Variants in AKAP3 observed in about 807,000 individuals in gnomAD.
AKAP3 encodes the protein A-kinase anchor protein 3.
Under a neutral mutation model 57.2 loss-of-function variants are expected in AKAP3, and 27 were observed. The ratio of observed to expected loss-of-function variants is 0.47; its 90% CI spans 0.35 to 0.65. The LOEUF (loss-of-function observed/expected upper bound fraction) is 0.65. Ranked by LOEUF, AKAP3 falls within the 30% of genes least tolerant of loss-of-function variation. The pLI, the probability that AKAP3 is intolerant of heterozygous loss-of-function variation, is 0.01. For missense variants in AKAP3, 959 were observed against 1,040.0 expected (o/e 0.92, Z 1.07); for synonymous variants, 334 against 392.3 (o/e 0.85, Z 1.76).
chr12:4,637,662 G>C (rs1476379775), intron 4 of AKAP3, among the ~76,000 whole-genome samples: 1 of 152,072 alleles, frequency 6.6e-6, no homozygotes, highest in East Asian at 1.9e-4. Context: ...AATGATGAAG[G>C]CAGGATGACA....
At chr12:4,620,432 G>A (rs1483492562) in intron 5 of AKAP3, among the ~76,000 whole-genome samples, 29 of 133,344 alleles carry the variant, frequency 2.2e-4, no homozygotes, top group African/African-American at 7.8e-4. Context: ...AGCCACGATC[G>A]TGCCACTACA....
intron 3 of AKAP3, 43 bp from the exon 4 acceptor site, chr12:4,638,239 C>A: frequency 7.3e-7 from 1 of 1,364,390 alleles, no homozygotes; most frequent in Non-Finnish European, 1.0e-6. Context: ...ATCACAAGGG[C>A]AGATTTTATG....
chr12:4,631,479 T>A, intron 4 of AKAP3: 1 of 604,238 alleles, frequency 1.7e-6, no homozygotes, highest in East Asian at 2.9e-5. Flanking sequence ...TGTATCACTA[T>A]GTGTCTGTAA....
intron 1 of AKAP3, among the ~76,000 whole-genome samples, chr12:4,646,482 C>G (rs915416825): frequency 2.0e-5 from 3 of 151,882 alleles, no homozygotes; most frequent in African/African-American, 7.3e-5. Context: ...ACCAGCCTGG[C>G]CAACATGGCA....
In AKAP3 at chr12:4,627,601, A is replaced by AT. The variant is rs750420000; in HGVS notation, c.1300dup (p.Met434AsnfsTer4). ...CTCCTCTGATTTGGGTTCAGAATAC[A>AT]TTTTTTCTCTCAATTTAGTTTCAGA... is the stretch of plus-strand genomic sequence containing the variant. On this transcript the variant is annotated frameshift_variant, in exon 5 of 6. Coordinates refer to ENST00000228850, the MANE Select transcript of AKAP3 (RefSeq NM_001278309.2). LOFTEE classifies it high-confidence loss of function. 4 of 1,613,996 alleles carry AT rather than the reference A, an allele frequency of 2.5e-6. No individual in the cohort carries two copies. In the South Asian group the frequency reaches 3.3e-5, roughly 13 times the overall value.
rs114683727 is a variant in AKAP3, at chr12:4,619,301, G to A, written c.2407-3407C>T. ...CGGTCAGGCATGGTGGCTCATGCCT[G>A]TTTTCCTGGCACTTTGGGAGGCTGA... On this transcript the variant is annotated intron_variant, in intron 5 of 5. Transcript: ENST00000228850. Among the ~76,000 whole-genome samples, 936 of 152,312 alleles carry A rather than the reference G, an allele frequency of 6.1e-3. 11 individuals carry two copies. Among genetic ancestry groups the A allele is most frequent in the African/African-American group, 0.021 (889 of 41,568 alleles).
chr12:4,617,751 C>CCAAA (rs1945303166), intron 5 of AKAP3, among the ~76,000 whole-genome samples: 1 of 118,450 alleles, frequency 8.4e-6, no homozygotes, highest in African/African-American at 3.3e-5. Flanking sequence ...GATTCTGTCT[C>CCAAA]AAAAAAAAAA....
chr12:4,632,752 A>T (rs896267948), intron 4 of AKAP3, among the ~76,000 whole-genome samples: 1 of 152,052 alleles, frequency 6.6e-6, no homozygotes, highest in Non-Finnish European at 1.5e-5. Context: ...GACATTCTCC[A>T]GCCTCAGCCT....
chr12:4,626,630 T>C lies in AKAP3; in HGVS notation c.2272A>G (p.Ile758Val). Reference sequence around the variant, plus strand: ...TCCGTTAGGTTGTGATTGCTGACAATCACCGTGGGTGCTGCACACCCTTCA... The same window carrying C: ...TCCGTTAGGTTGTGATTGCTGACAACCACCGTGGGTGCTGCACACCCTTCA... Reference protein sequence around the residue: ...PPEGCAAPTVIVSNHNLTDTV... With the variant: ...PPEGCAAPTVVVSNHNLTDTV... Residue 758 changes from isoleucine to valine, a missense_variant, in exon 5 of 6, where the codon ATT becomes GTT. Transcript: ENST00000228850. 1 of 1,614,206 alleles carries C rather than the reference T, an allele frequency of 6.2e-7. No homozygotes were observed. Among genetic ancestry groups the C allele is most frequent in the Non-Finnish European group, 8.5e-7 (1 of 1,180,034 alleles).
Position 4,626,723 on chromosome 12 carries a change from C to T in AKAP3, c.2179G>A (p.Glu727Lys), listed in dbSNP as rs74060068. 4.2e-5 allele frequency: 68 copies of T among 1,614,096 alleles called. No homozygotes were observed. In the African/African-American group the frequency reaches 8.9e-4, roughly 21 times the overall value. Residue 727 changes from glutamate (E) to lysine (K), a missense_variant, in exon 5 of 6, where the codon GAA (glutamate) becomes AAA (lysine). Transcript: ENST00000228850. ...CLPAKGTGSA[E>K]AVLQNAYQAI... ...TGATAGGCATTCTGCAGGACAGCTT[C>T]TGCTGACCCTGTGCCCTTGGCTGGT... is the stretch of plus-strand genomic sequence containing the variant.
At chr12:4,635,591 T>G in intron 4 of AKAP3, 1 of 723,726 alleles carries the variant, frequency 1.4e-6, no homozygotes, top group Non-Finnish European at 2.5e-6. Context: ...GTCAGCCTTG[T>G]TTCCTGATAA....
rs1945403694 is a variant in AKAP3 at position 4,625,706 on chromosome 12, A to AGAGC, written c.2406+789_2406+790insGCTC. On this transcript the variant is annotated intron_variant, in intron 5 of 5. Transcript: ENST00000228850. The surrounding 1 kb of genome is among the most constrained non-coding windows in gnomAD (Gnocchi z 5.4). Reference sequence around the variant, plus strand: ...GGAAGAGAAAATGAGAGAGAGAGAGAGAGAGAGAGAGCAAGCGAGCGAGAA... The same window carrying AGAGC: ...GGAAGAGAAAATGAGAGAGAGAGAGAGAGCGAGAGAGAGAGCAAGCGAGCGAGAA... Among the ~76,000 whole-genome samples, 1 of 151,782 alleles carries AGAGC rather than the reference A, an allele frequency of 6.6e-6. No homozygotes were observed. Among genetic ancestry groups the AGAGC allele is most frequent in the South Asian group, 2.1e-4 (1 of 4,808 alleles).
chr12:4,626,589 C>T lies in AKAP3; in HGVS notation c.2313G>A (p.Lys771=), dbSNP rs780518568. 6.2e-7 allele frequency: 1 copy of T among 1,614,064 alleles called. No homozygotes were observed. Among genetic ancestry groups the T allele is most frequent in the African/African-American group, 1.3e-5 (1 of 74,944 alleles). ...NHNLTDTVQN[K]QLQAVLQWVA... is the part of the protein sequence containing the mutation. ...CCCATTGAAGGACGGCTTGGAGTTGCTTGTTCTGAACTGTGTCCGTTAGGT... is the reference window on the plus strand; with the variant it reads ...CCCATTGAAGGACGGCTTGGAGTTGTTTGTTCTGAACTGTGTCCGTTAGGT... Residue 771 remains lysine (K), a synonymous_variant, in exon 5 of 6, where the codon AAG becomes AAA. Coordinates refer to ENST00000228850, the MANE Select transcript of AKAP3 (RefSeq NM_001278309.2).
chr12:4,645,436 G>C (rs934541587), intron 1 of AKAP3: 20 of 152,176 alleles, frequency 1.3e-4, no homozygotes, highest in African/African-American at 3.6e-4. Flanking sequence ...CCACGGATGG[G>C]AGTGGGGTGG....
intron 3 of AKAP3, 86 bp downstream of exon 3, chr12:4,641,813 T>C (rs1945641222): frequency 1.3e-5 from 2 of 152,196 alleles, no homozygotes; most frequent in African/African-American, 4.8e-5. Flanking sequence ...ACAAAATCAA[T>C]AGGATCTATT....
At chr12:4,616,600 A>G (rs374513870) in intron 5 of AKAP3, among the ~76,000 whole-genome samples, 4 of 152,228 alleles carry the variant, frequency 2.6e-5, no homozygotes, top group Non-Finnish European at 5.9e-5. Flanking sequence ...AGAAATATCC[A>G]TGTGAGAAAC....
chr12:4,628,200 AG>A lies in AKAP3; in HGVS notation c.701del (p.Pro234LeufsTer53), dbSNP rs1565553446. ...TATAGAAGAAAGACTTCTTAGAAGG[AG>A]GCTTGTCATCTGGACCCTGTCTTTC... ...TKERQGPDDK[P>X]PSKKSFFYKE... On this transcript the variant is annotated frameshift_variant, in exon 5 of 6. Coordinates refer to ENST00000228850, the MANE Select transcript of AKAP3 (RefSeq NM_001278309.2). LOFTEE classifies it high-confidence loss of function. 1 of 1,614,018 alleles carries A rather than the reference AG, an allele frequency of 6.2e-7. No homozygotes were observed. The highest frequency in any genetic ancestry group is 1.3e-5 in the African/African-American group (1 of 74,924).
chr12:4,627,216 A>C lies in AKAP3; in HGVS notation c.1686T>G (p.Asn562Lys). ...ATTCATCGGGAGCTACAGGAGGTTC[A>C]TTGGCAGGAAAGTTGGTGGTGCCAG... ...EAAGTTNFPA[N>K]EPPVAPDESC... Residue 562 changes from asparagine to lysine, a missense_variant, in exon 5 of 6, where the codon AAT (asparagine) becomes AAG (lysine). Coordinates refer to ENST00000228850, the MANE Select transcript of AKAP3 (RefSeq NM_001278309.2). 6.2e-7 allele frequency: 1 copy of C among 1,614,124 alleles called. No homozygotes were observed. The highest frequency in any genetic ancestry group is 8.5e-7 in the Non-Finnish European group (1 of 1,180,014).
rs1945441092 is a variant in AKAP3 at position 4,627,808 on chromosome 12, T to C, written c.1094A>G (p.His365Arg). 1.2e-6 allele frequency: 2 copies of C among 1,614,012 alleles called. No homozygotes were observed. Among genetic ancestry groups the C allele is most frequent in the Non-Finnish European group, 1.7e-6 (2 of 1,180,030 alleles). The change falls in exon 5 of 6, where the codon CAT (histidine) becomes CGT (arginine). Residue 365 changes from histidine (H) to arginine (R), a missense_variant. Transcript: ENST00000228850. ...GATATCTGTGGCCTTTTGGCTTCCA[T>C]GAGAGAAGACAGTTCTTTTCACAGC... ...VSAVKRTVFS[H>R]GSQKATDIMD...
Sources: gnomAD v4.1 joint callset for allele counts (sites outside exome capture counted in the v4.1 genomes callset) on GRCh38, gnomAD v4.1.1 for gene constraint, Gnocchi (gnomAD v3.1) non-coding constraint, MANE v1.5 for transcripts, NCBI Gene and HGNC (gene_info 2026-07-23, HGNC 2026-07-21) for gene names.